The following NDUFA10 variants were observed in gnomAD, a reference collection of about 807,000 sequenced individuals.
NDUFA10 encodes NADH dehydrogenase [ubiquinone] 1 alpha subcomplex subunit 10, mitochondrial.
In NDUFA10, 40 loss-of-function variants were observed where a neutral mutation model predicts 47.8. That is an observed-to-expected ratio of 0.84 (90% CI 0.65 to 1.09). The LOEUF (loss-of-function observed/expected upper bound fraction) is 1.09. Ranked by LOEUF, NDUFA10 falls within the 50% of genes least tolerant of loss-of-function variation. The pLI, the probability that NDUFA10 is intolerant of heterozygous loss-of-function variation, is 0.00. For synonymous variants in NDUFA10, 183 were observed against 172.2 expected, an observed-to-expected ratio of 1.06 and a Z score of -0.49; for missense variants, 413 against 451.1, an observed-to-expected ratio of 0.92 and a Z score of 0.76.
chr2:240,018,879 C>A (rs1016582377), intron 3 of NDUFA10, among the ~76,000 whole-genome samples: 3 of 152,120 alleles, frequency 2.0e-5, no homozygotes, highest in Admixed American at 6.5e-5. Context: ...CAGAAAGCAT[C>A]CGGTTAATAC....
intron 3 of NDUFA10, among the ~76,000 whole-genome samples, chr2:240,020,861 C>T (rs971782284): frequency 1.2e-4 from 18 of 152,202 alleles, no homozygotes; most frequent in African/African-American, 3.9e-4. Flanking sequence ...AAGTGTGATC[C>T]CGTTTCCTCC....
At chr2:239,944,259 A>AT (rs1694408372) in intron 4 of NDUFA10, among the ~76,000 whole-genome samples, 1 of 152,152 alleles carries the variant, frequency 6.6e-6, no homozygotes, top group Admixed American at 6.5e-5. Context: ...CCTTTCCATC[A>AT]TTTCACGTAG....
intron 4 of NDUFA10, among the ~76,000 whole-genome samples, chr2:239,914,927 A>C (rs1693823873): frequency 6.7e-6 from 1 of 150,060 alleles, no homozygotes; most frequent in Admixed American, 6.6e-5. Flanking sequence ...AAATATACAG[A>C]TACAGAGAGA....
In NDUFA10 at chr2:240,005,211, G is replaced by A. The variant is rs760767266; in HGVS notation, c.889C>T (p.Leu297=). ...DNRTLYHLRL[L]VQDKFEVLNY... The stretch of plus-strand genomic sequence containing the variant: ...CAGCCCCCACACAGATGCACTTACA[G>A]TAATCGCAGGTGGTATAAAGTGCGA... The change falls in exon 8 of 10, where the codon CTG becomes TTG. Residue 297 remains leucine, a splice_region_variant and synonymous_variant. Coordinates refer to ENST00000252711, the MANE Select transcript of NDUFA10 (RefSeq NM_004544.4). The A allele has an allele frequency of 1.9e-6, 3 of 1,612,890 alleles. No homozygotes were observed. In the East Asian group the frequency reaches 6.7e-5, roughly 36 times the overall value.
intron 4 of NDUFA10, among the ~76,000 whole-genome samples, chr2:239,932,833 G>A (rs141279291): frequency 0.079 from 12,061 of 152,122 alleles, 687 homozygotes; most frequent in East Asian, 0.21. Flanking sequence ...CACCCGCCTC[G>A]GCCTCCCAAA....
At chr2:239,969,832 C>A in intron 9 of NDUFA10, 2 of 464,062 alleles carry the variant, frequency 4.3e-6, no homozygotes, top group Non-Finnish European at 4.5e-6. Context: ...GAAGGCAGAG[C>A]AGCAGAAACT....
chr2:239,931,299 C>G (rs112155444), intron 4 of NDUFA10, among the ~76,000 whole-genome samples: 1 of 152,292 alleles, frequency 6.6e-6, no homozygotes, highest in East Asian at 1.9e-4. Context: ...CCCTGGCATG[C>G]AGGCACCTCG....
At chr2:239,936,559 A>G (rs1247203239) in intron 4 of NDUFA10, among the ~76,000 whole-genome samples, 3 of 152,064 alleles carry the variant, frequency 2.0e-5, no homozygotes, top group Non-Finnish European at 4.4e-5. Flanking sequence ...GGACAGGGAC[A>G]CTCTGGTGGG....
At chr2:239,983,427 A>C in intron 9 of NDUFA10, 1 of 1,481,706 alleles carries the variant, frequency 6.7e-7, no homozygotes, top group Non-Finnish European at 9.0e-7. Flanking sequence ...ATTATTATTT[A>C]TTACTATTTA....
downstream of NDUFA10, among the ~76,000 whole-genome samples, chr2:239,954,217 C>A (rs1356145661): frequency 6.8e-6 from 1 of 146,982 alleles, no homozygotes; most frequent in Non-Finnish European, 1.5e-5. Context: ...TGAGTGACCA[C>A]CCCAGGACTG....
intron 3 of NDUFA10, 137 bp from the exon 4 acceptor site, chr2:240,018,776 T>G: frequency 9.3e-6 from 9 of 969,826 alleles, no homozygotes; most frequent in Admixed American, 2.1e-5. Flanking sequence ...GAAAAGAACA[T>G]AGACATATTT....
At chr2:239,979,777 G>A (rs537514813) in intron 9 of NDUFA10, among the ~76,000 whole-genome samples, 73 of 152,114 alleles carry the variant, frequency 4.8e-4, no homozygotes, top group South Asian at 8.3e-4. Context: ...GCGCACCAAC[G>A]CCACCACCTC....
At position 239,960,374 on chromosome 2, in the gene NDUFA10, TAA is replaced by T; in HGVS notation, c.*742_*743del. The T allele has an allele frequency of 1.0e-6, 1 of 985,608 alleles. No homozygotes were observed. Among genetic ancestry groups the T allele is most frequent in the South Asian group, 4.7e-5 (1 of 21,292 alleles). 61.1% of individuals were successfully genotyped at this position (985,608 alleles called of 1,614,324 possible). The stretch of plus-strand genomic sequence containing the variant: ...ACTGGCAACTTGATTTTCTGGGTAA[TAA>T]AGAGAGTATATTATTTTGCTTTTGC... On this transcript the variant is annotated 3_prime_UTR_variant, in exon 10 of 10. Transcript: ENST00000252711.
chr2:239,947,180 C>T (rs1227167019), intron 4 of NDUFA10, among the ~76,000 whole-genome samples: 2 of 152,332 alleles, frequency 1.3e-5, no homozygotes, highest in Non-Finnish European at 2.9e-5. Flanking sequence ...CATCTGGGGC[C>T]GTCCCGCCTG....
At chr2:239,904,594 C>G (rs1393201434) in intron 4 of NDUFA10, among the ~76,000 whole-genome samples, 1 of 152,182 alleles carries the variant, frequency 6.6e-6, no homozygotes, top group Non-Finnish European at 1.5e-5. Flanking sequence ...CATGCCCAGC[C>G]CCTGCTTTCT....
chr2:239,911,056 G>A (rs1693745006), intron 4 of NDUFA10, among the ~76,000 whole-genome samples: 2 of 152,174 alleles, frequency 1.3e-5, no homozygotes, highest in Admixed American at 1.3e-4. Flanking sequence ...ACACACCCTA[G>A]TGGGTCTGCT....
chr2:240,004,649 C>CTCTCCTAGT (rs1696874941), intron 8 of NDUFA10, among the ~76,000 whole-genome samples: 2 of 151,966 alleles, frequency 1.3e-5, no homozygotes, highest in African/African-American at 4.8e-5. Context: ...GCCTCCCCTC[C>CTCTCCTAGT]CCACACTTTT....
chr2:239,894,826 G>A (rs1029158452), intron 5 of NDUFA10, among the ~76,000 whole-genome samples: 3 of 151,942 alleles, frequency 2.0e-5, no homozygotes, highest in East Asian at 1.9e-4. Flanking sequence ...TGAAATATAT[G>A]AGCCACCAAC....
At chr2:239,914,875 A>G (rs989710650) in intron 4 of NDUFA10, among the ~76,000 whole-genome samples, 1 of 113,910 alleles carries the variant, frequency 8.8e-6, no homozygotes, top group Non-Finnish European at 1.9e-5. Context: ...ATACAGAGAT[A>G]CTCACACAAA....
Sources: gnomAD v4.1 joint callset for allele counts (sites outside exome capture counted in the v4.1 genomes callset) on GRCh38, gnomAD v4.1.1 for gene constraint, MANE v1.5 for transcripts, NCBI Gene and HGNC (gene_info 2026-07-23, HGNC 2026-07-21) for gene names.